Variants in WDPCP observed in about 807,000 individuals in gnomAD.
The protein encoded by WDPCP is WD repeat containing planar cell polarity effector.
In WDPCP, 71 loss-of-function variants were observed where a neutral mutation model predicts 93.1. The observed-to-expected ratio is 0.76, with a 90% CI of 0.63 to 0.93. The LOEUF (loss-of-function observed/expected upper bound fraction) is 0.93, where lower values mean the gene tolerates loss of function less well. WDPCP is among the 40% of genes least tolerant of loss of function. The pLI, the probability that WDPCP is intolerant of heterozygous loss-of-function variation, is 0.00. For missense variants in WDPCP, 844 were observed against 887.4 expected, an observed-to-expected ratio of 0.95 and a Z score of 0.62; for synonymous variants, 315 against 315.0, an observed-to-expected ratio of 1.00 and a Z score of 0.00.
intron 14 of WDPCP, among the ~76,000 whole-genome samples, chr2:63,184,216 C>T (rs545687102): frequency 1.3e-5 from 2 of 151,856 alleles, no homozygotes; most frequent in South Asian, 4.2e-4. Flanking sequence ...TTTTTTCCCT[C>T]TTTCTGTTTG....
chr2:63,328,841 C>T (rs947028422), intron 12 of WDPCP, among the ~76,000 whole-genome samples: 3 of 152,212 alleles, frequency 2.0e-5, no homozygotes, highest in African/African-American at 7.2e-5. Context: ...ATTCTCCCAC[C>T]TCAGCCTCCT....
chr2:63,618,519 A>G (rs968207277), intron 3 of WDPCP, among the ~76,000 whole-genome samples: 2 of 152,104 alleles, frequency 1.3e-5, no homozygotes, highest in Non-Finnish European at 2.9e-5. Flanking sequence ...ATTATCCCCT[A>G]TGTTCCTCCC....
At chr2:63,363,519 GC>G (rs1242947221) in intron 12 of WDPCP, among the ~76,000 whole-genome samples, 1 of 152,060 alleles carries the variant, frequency 6.6e-6, no homozygotes, top group African/African-American at 2.4e-5. Context: ...GACTGATTGA[GC>G]CTGAGAGGTT....
At position 63,459,747 on chromosome 2, in the gene WDPCP, G is replaced by A. The variant is rs1385687051; in HGVS notation, c.385-19876C>T. Among the ~76,000 whole-genome samples the A allele has an allele frequency of 3.3e-5, 5 of 151,926 alleles. No homozygotes were observed. The East Asian group carries it at 9.7e-4, about 29-fold the overall frequency. ...CTTGGCCAACATGGTGAAACCCTGTGCCTAATAAAAATACAAAAAATTAGC... is the reference window on the plus strand; with the variant it reads ...CTTGGCCAACATGGTGAAACCCTGTACCTAATAAAAATACAAAAAATTAGC... On this transcript the variant is annotated intron_variant, in intron 6 of 17. Transcript: ENST00000272321.
chr2:63,840,001 C>A, the WDPCP span, among the ~76,000 whole-genome samples: 2 of 152,158 alleles, frequency 1.3e-5, no homozygotes, highest in African/African-American at 4.8e-5. Context: ...AATCAAAGTT[C>A]CTTTGTTTAG....
intron 1 of WDPCP, among the ~76,000 whole-genome samples, chr2:63,498,102 A>T (rs1701337290): frequency 6.6e-6 from 1 of 152,238 alleles, no homozygotes; most frequent in African/African-American, 2.4e-5. Context: ...CCAACTATTA[A>T]ATATTGAATC....
At chr2:63,357,385 A>G (rs773826608) in intron 12 of WDPCP, among the ~76,000 whole-genome samples, 4 of 152,244 alleles carry the variant, frequency 2.6e-5, no homozygotes, top group Non-Finnish European at 2.9e-5. Flanking sequence ...CAAAGGTCTA[A>G]CATCCAGCAT....
At chr2:63,723,953 TG>T (rs1669463304) in intron 2 of WDPCP, among the ~76,000 whole-genome samples, 1 of 152,226 alleles carries the variant, frequency 6.6e-6, no homozygotes, top group Admixed American at 6.5e-5. Context: ...GCTCTGGGCC[TG>T]GAAGAACTGC....
At chr2:63,366,293 AG>A (rs986433107) in intron 12 of WDPCP, among the ~76,000 whole-genome samples, 2 of 152,184 alleles carry the variant, frequency 1.3e-5, no homozygotes, top group African/African-American at 4.8e-5. Flanking sequence ...GTCCCTCCAA[AG>A]CCCAACCCTA....
At chr2:63,801,509 G>C (rs535595598) in intron 2 of WDPCP, among the ~76,000 whole-genome samples, 55 of 152,210 alleles carry the variant, frequency 3.6e-4, no homozygotes, top group Non-Finnish European at 5.1e-4. Flanking sequence ...GGTTCCTGCT[G>C]TTGGCTGGGG....
chr2:63,569,933 T>C (rs139598580), intron 1 of WDPCP, among the ~76,000 whole-genome samples: 50 of 152,272 alleles, frequency 3.3e-4, no homozygotes, highest in African/African-American at 1.1e-3. Context: ...AGTACCTATA[T>C]ATAGTTAAAA....
At chr2:63,619,886 GT>G (rs1709713654) in intron 3 of WDPCP, among the ~76,000 whole-genome samples, 1 of 152,206 alleles carries the variant, frequency 6.6e-6, no homozygotes. Flanking sequence ...CCAAAGCAGA[GT>G]GGGACATTGC....
At chr2:63,607,544 AAG>A (rs964864562) in intron 3 of WDPCP, among the ~76,000 whole-genome samples, 1 of 151,116 alleles carries the variant, frequency 6.6e-6, no homozygotes, top group Non-Finnish European at 1.5e-5. Flanking sequence ...CAAAAAAAAG[AAG>A]AGGACTGGGC....
chr2:63,559,199 A>T (rs1706382400), intron 1 of WDPCP, among the ~76,000 whole-genome samples: 1 of 152,224 alleles, frequency 6.6e-6, no homozygotes, highest in Non-Finnish European at 1.5e-5. Flanking sequence ...CAATAGATGC[A>T]GAAAAGGCCT....
intron 2 of WDPCP, among the ~76,000 whole-genome samples, chr2:63,661,539 A>G (rs943091626): frequency 6.6e-6 from 1 of 152,234 alleles, no homozygotes; most frequent in African/African-American, 2.4e-5. Flanking sequence ...TAGAATGAAC[A>G]TACTTGCTGT....
chr2:63,171,558 T>C (rs1051341345), intron 15 of WDPCP, among the ~76,000 whole-genome samples: 14 of 152,284 alleles, frequency 9.2e-5, no homozygotes, highest in African/African-American at 3.4e-4. Context: ...TACTGAGAAA[T>C]TGGAACCCTT....
chr2:63,509,725 A>C (rs1702108258), intron 1 of WDPCP, among the ~76,000 whole-genome samples: 2 of 152,098 alleles, frequency 1.3e-5, no homozygotes, highest in East Asian at 3.8e-4. Flanking sequence ...TCAAATAGAC[A>C]CAATAAAAAA....
chr2:63,634,785 T>C (rs1396517073), intron 3 of WDPCP, among the ~76,000 whole-genome samples: 2 of 151,996 alleles, frequency 1.3e-5, no homozygotes, highest in Non-Finnish European at 2.9e-5. Context: ...CCAAAACTTA[T>C]GGAATGTAAC....
At chr2:63,167,343 A>AT (rs1271250667) in intron 15 of WDPCP, among the ~76,000 whole-genome samples, 1 of 151,648 alleles carries the variant, frequency 6.6e-6, no homozygotes, top group African/African-American at 2.4e-5. Flanking sequence ...GTGTCTTGTT[A>AT]TTTTTTAAAG....
Sources: gnomAD v4.1 joint callset for allele counts (sites outside exome capture counted in the v4.1 genomes callset) on GRCh38, gnomAD v4.1.1 for gene constraint, MANE v1.5 for transcripts, NCBI Gene and HGNC (gene_info 2026-07-23, HGNC 2026-07-21) for gene names.